Variants in CAMLG observed in about 807,000 individuals in gnomAD.
CAMLG encodes calcium modulating ligand.
Under a neutral mutation model 28.9 loss-of-function variants are expected in CAMLG, and 23 were observed. The observed-to-expected ratio is 0.80, with a 90% CI of 0.57 to 1.13. CAMLG has a LOEUF of 1.13. Among genes scored for constraint, CAMLG ranks in the 50% most tolerant of loss-of-function variants. The pLI is 0.00. For synonymous variants in CAMLG, 141 were observed against 146.5 expected, an observed-to-expected ratio of 0.96 and a Z score of 0.27; for missense variants, 367 against 371.9, an observed-to-expected ratio of 0.99 and a Z score of 0.11.
rs1219525616 is a variant in CAMLG at position 134,741,339 on chromosome 5, A to G, written c.449A>G (p.His150Arg). The G allele has an allele frequency of 5.6e-6, 9 of 1,614,114 alleles. No individual in the cohort carries two copies. Among genetic ancestry groups the G allele is most frequent in the Middle Eastern group, 1.6e-4 (1 of 6,084 alleles). ...GACTCGGTCCAGAGGGGTTCCCGCC[A>G]TGGCCTAGAGCAGTACCTTTCCAGA... Reference protein sequence around the residue: ...TADSVQRGSRHGLEQYLSRFE... With the variant: ...TADSVQRGSRRGLEQYLSRFE... The change falls in exon 2 of 4, where the codon CAT (histidine) becomes CGT (arginine). Residue 150 changes from histidine to arginine, a missense_variant. His to Arg is a conservative substitution (Grantham distance 29). Transcript: ENST00000297156.
At position 134,751,210 on chromosome 5, in the gene CAMLG, T is replaced by G. The variant is rs1337882396; in HGVS notation, c.*260T>G. On this transcript the variant is annotated 3_prime_UTR_variant, in exon 4 of 4. Transcript: ENST00000297156. ...TTAATCAGAATTCCTATTCTGTACC[T>G]TTCCTCTAACTTCTCAGATTTGTAA... 3.3e-6 allele frequency: 1 copy of G among 302,018 alleles called. No individual in the cohort carries two copies. The highest frequency in any genetic ancestry group is 6.1e-6 in the Non-Finnish European group (1 of 162,864). The allele number at this position is 302,018 out of a possible 1,614,324, so 18.7% of individuals were successfully genotyped here.
chr5:134,739,768 G>A (rs184027590), intron 1 of CAMLG, among the ~76,000 whole-genome samples: 4 of 152,288 alleles, frequency 2.6e-5, no homozygotes, highest in African/African-American at 9.6e-5. Flanking sequence ...TAGAACAATA[G>A]AAGAAACATT....
Position 134,744,048 on chromosome 5 carries a change from C to T in CAMLG, c.695C>T (p.Pro232Leu), listed in dbSNP as rs769352844. 3.7e-6 allele frequency: 5 copies of T among 1,368,466 alleles called. No individual in the cohort carries two copies. Among genetic ancestry groups the T allele is most frequent in the Middle Eastern group, 1.8e-4 (1 of 5,602 alleles). The allele number at this position is 1,368,466 out of a possible 1,614,324, so 84.8% of individuals were successfully genotyped here. A position where few individuals can be genotyped will look rare whatever the true frequency, so the allele number is the denominator to read the frequency against. ...TACATGGGATTATACAAATATTTTC[C>T]CAAGGTAAATTAATTTTTTTTCTAA... ...LAYMGLYKYFPKSEKKIKTTV... is the reference protein window; with the variant it reads ...LAYMGLYKYFLKSEKKIKTTV... The change falls in exon 3 of 4, where the codon CCC becomes CTC. Residue 232 changes from proline (P) to leucine (L), a missense_variant. Coordinates refer to ENST00000297156, the MANE Select transcript of CAMLG (RefSeq NM_001745.4).
At chr5:134,749,984 C>A (rs1753094351) in intron 3 of CAMLG, among the ~76,000 whole-genome samples, 1 of 152,230 alleles carries the variant, frequency 6.6e-6, no homozygotes, top group African/African-American at 2.4e-5. Flanking sequence ...GGATTAGAGG[C>A]ATGAGCCACT....
At position 134,750,881 on chromosome 5, in the gene CAMLG, CTG is replaced by C; in HGVS notation, c.826_827del (p.Val276LeufsTer10). 1 of 1,613,796 alleles carries C rather than the reference CTG, an allele frequency of 6.2e-7. No homozygotes were observed. The highest frequency in any genetic ancestry group is 8.5e-7 in the Non-Finnish European group (1 of 1,179,948). On this transcript the variant is annotated frameshift_variant, in exon 4 of 4. Coordinates refer to ENST00000297156, the MANE Select transcript of CAMLG (RefSeq NM_001745.4). LOFTEE classifies it high-confidence loss of function. ...AAATGGGCGAAGTCTTCACAGATCT[CTG>C]TGTCTACTTTTTCACTTTTATCTTT... Reference protein sequence around the residue: ...SKMGEVFTDLCVYFFTFIFCH... With the variant: ...SKMGEVFTDLXVYFFTFIFCH...
In CAMLG at chr5:134,741,163, C is replaced by G. The variant is rs1561841693; in HGVS notation, c.273C>G (p.Val91=). Reference sequence around the variant, plus strand: ...AGCGAGTAGTGCTGGGTGATTCAGTCAGTACAGGAACAACTGACCAGCAGG... The same window carrying G: ...AGCGAGTAGTGCTGGGTGATTCAGTGAGTACAGGAACAACTGACCAGCAGG... ...VSKRVVLGDS[V]STGTTDQQGG... The change falls in exon 2 of 4, where the codon GTC becomes GTG. Residue 91 remains valine (V), a synonymous_variant. Coordinates refer to ENST00000297156, the MANE Select transcript of CAMLG (RefSeq NM_001745.4). 1 of 1,613,948 alleles carries G rather than the reference C, an allele frequency of 6.2e-7. No individual in the cohort carries two copies. Among genetic ancestry groups the G allele is most frequent in the Non-Finnish European group, 8.5e-7 (1 of 1,179,960 alleles).
At chr5:134,748,036 T>C (rs1222554663) in intron 3 of CAMLG, among the ~76,000 whole-genome samples, 1 of 151,252 alleles carries the variant, frequency 6.6e-6, no homozygotes, top group African/African-American at 2.4e-5. Context: ...TAATTTTTTT[T>C]GTATTTCAGT....
At position 134,750,809 on chromosome 5, in the gene CAMLG, G is replaced by C; in HGVS notation, c.750G>C (p.Ser250=). Residue 250 remains serine, a synonymous_variant, in exon 4 of 4, where the codon TCG becomes TCC. Transcript: ENST00000297156. ...TACTAACAGCTGCACTTCTATTGTC[G>C]GGAATTCCTGCCGAAGTGATAAATC... ...TTVLTAALLL[S]GIPAEVINRS... is the part of the protein sequence containing the mutation. 1 of 1,613,748 alleles carries C rather than the reference G, an allele frequency of 6.2e-7. No individual in the cohort carries two copies. Among genetic ancestry groups the C allele is most frequent in the South Asian group, 1.1e-5 (1 of 91,074 alleles).
intron 1 of CAMLG, among the ~76,000 whole-genome samples, chr5:134,740,409 A>C (rs946434535): frequency 3.3e-5 from 5 of 152,194 alleles, no homozygotes; most frequent in Non-Finnish European, 7.3e-5. Context: ...AAGGCAGGCA[A>C]TGCAATCATA....
In CAMLG at chr5:134,741,107, C is replaced by A; in HGVS notation, c.217C>A (p.Leu73Met). Reference sequence around the variant, plus strand: ...ATCAAAGCAGCAGGACAGTGATAAACTGAACTCCCTCAGCGTTCCTTCCGT... The same window carrying A: ...ATCAAAGCAGCAGGACAGTGATAAAATGAACTCCCTCAGCGTTCCTTCCGT... ...TKSKQQDSDK[L>M]NSLSVPSVSK... The change falls in exon 2 of 4, where the codon CTG (leucine) becomes ATG (methionine). Residue 73 changes from leucine to methionine, a missense_variant. Leu to Met is a conservative substitution (Grantham distance 15, BLOSUM62 2). Coordinates refer to ENST00000297156, the MANE Select transcript of CAMLG (RefSeq NM_001745.4). 6.2e-7 allele frequency: 1 copy of A among 1,614,114 alleles called. No homozygotes were observed. The highest frequency in any genetic ancestry group is 8.5e-7 in the Non-Finnish European group (1 of 1,179,932).
chr5:134,738,574 G>A lies in CAMLG; in HGVS notation c.-47G>A, dbSNP rs753936018. The A allele has an allele frequency of 2.7e-6, 4 of 1,497,892 alleles. No individual in the cohort carries two copies. In the South Asian group the frequency reaches 3.7e-5, roughly 14 times the overall value. 92.8% of individuals were successfully genotyped at this position (1,497,892 alleles called of 1,614,324 possible). A position where few individuals can be genotyped will look rare whatever the true frequency, so the allele number is the denominator to read the frequency against. On this transcript the variant is annotated 5_prime_UTR_variant, in exon 1 of 4. Coordinates refer to ENST00000297156, the MANE Select transcript of CAMLG (RefSeq NM_001745.4). The stretch of plus-strand genomic sequence containing the variant: ...TCTAGTCATCGCCCTCGCAGCGGCG[G>A]CCAACATCACCGCCACTGCCACCCC...
chr5:134,748,826 G>A (rs2150122420), intron 3 of CAMLG, among the ~76,000 whole-genome samples: 1 of 152,138 alleles, frequency 6.6e-6, no homozygotes, highest in East Asian at 1.9e-4. Flanking sequence ...TTTTGTGCAA[G>A]CCTTCTTTAT....
Position 134,744,042 on chromosome 5 carries a change from A to G in CAMLG, c.689A>G (p.Tyr230Cys), listed in dbSNP as rs749743815. The change falls in exon 3 of 4, where the codon TAT becomes TGT. Residue 230 changes from tyrosine (Y) to cysteine (C), a missense_variant. Tyr to Cys is a radical substitution (Grantham distance 194). Coordinates refer to ENST00000297156, the MANE Select transcript of CAMLG (RefSeq NM_001745.4). ...LQLAYMGLYK[Y>C]FPKSEKKIKT... ...CTTGCGTACATGGGATTATACAAATATTTTCCCAAGGTAAATTAATTTTTT... is the reference window on the plus strand; with the variant it reads ...CTTGCGTACATGGGATTATACAAATGTTTTCCCAAGGTAAATTAATTTTTT... The G allele has an allele frequency of 2.1e-6, 3 of 1,395,584 alleles. No individual in the cohort carries two copies. The highest frequency in any genetic ancestry group is 1.8e-4 in the Middle Eastern group (1 of 5,654). The allele number at this position is 1,395,584 out of a possible 1,614,324, so 86.5% of individuals were successfully genotyped here. A position where few individuals can be genotyped will look rare whatever the true frequency, so the allele number is the denominator to read the frequency against.
At chr5:134,746,729 G>C (rs1324088255) in intron 3 of CAMLG, among the ~76,000 whole-genome samples, 1 of 151,720 alleles carries the variant, frequency 6.6e-6, no homozygotes, top group Non-Finnish European at 1.5e-5. Flanking sequence ...TGCCCACCTG[G>C]GCCTTCCAAA....
chr5:134,750,152 T>C (rs1287945682), intron 3 of CAMLG, among the ~76,000 whole-genome samples: 2 of 152,226 alleles, frequency 1.3e-5, no homozygotes, highest in Non-Finnish European at 2.9e-5. Flanking sequence ...TCCTGTCTAG[T>C]AATATTTTTC....
rs1753118319 is a variant in CAMLG, at chr5:134,751,874, G to A, written c.*924G>A. On this transcript the variant is annotated 3_prime_UTR_variant, in exon 4 of 4. Coordinates refer to ENST00000297156, the MANE Select transcript of CAMLG (RefSeq NM_001745.4). ...TTTTATATTCTTTAGTAAAGACAGGGTTTCTCCATGTTGGTCAGGCTGGTC... is the reference window on the plus strand; with the variant it reads ...TTTTATATTCTTTAGTAAAGACAGGATTTCTCCATGTTGGTCAGGCTGGTC... 1 of 152,176 alleles carries A rather than the reference G, an allele frequency of 6.6e-6. No individual in the cohort carries two copies. The highest frequency in any genetic ancestry group is 1.5e-5 in the Non-Finnish European group (1 of 68,076). The allele number at this position is 152,176 out of a possible 1,614,324, so 9.4% of individuals were successfully genotyped here.
chr5:134,745,621 G>A (rs1157747987), intron 3 of CAMLG, among the ~76,000 whole-genome samples: 1 of 150,696 alleles, frequency 6.6e-6, no homozygotes, highest in African/African-American at 2.4e-5. Flanking sequence ...GCATGGTTGC[G>A]GGTGCCTGTA....
At chr5:134,740,143 C>T (rs1457068323) in intron 1 of CAMLG, among the ~76,000 whole-genome samples, 1 of 152,118 alleles carries the variant, frequency 6.6e-6, no homozygotes, top group African/African-American at 2.4e-5. Flanking sequence ...CCTTGGCTTC[C>T]AAAAGTGCTG....
chr5:134,745,425 C>T (rs1436552451), intron 3 of CAMLG, among the ~76,000 whole-genome samples: 1 of 123,118 alleles, frequency 8.1e-6, no homozygotes, highest in Non-Finnish European at 1.6e-5. Flanking sequence ...GGCGACAGAG[C>T]GAGACTCCTC....
Sources: allele counts gnomAD v4.1 joint callset (sites outside exome capture counted in the v4.1 genomes callset), GRCh38; gene constraint gnomAD v4.1.1; transcripts MANE v1.5; gene names NCBI Gene and HGNC (gene_info 2026-07-23, HGNC 2026-07-21).